The following WDR72 variants were observed in gnomAD, a reference collection of about 807,000 sequenced individuals.
The protein encoded by WDR72 is WD repeat domain 72.
Under a neutral mutation model 124.2 loss-of-function variants are expected in WDR72, and 120 were observed. The observed-to-expected ratio is 0.97, with a 90% CI of 0.83 to 1.12. The LOEUF (loss-of-function observed/expected upper bound fraction) is 1.12, where lower values mean the gene tolerates loss of function less well. WDR72 is among the 50% of genes most tolerant of loss of function. The probability of loss-of-function intolerance (pLI) is 0.00; values close to 1 mark genes in which losing one functional copy is unlikely to be tolerated. For synonymous variants in WDR72, 452 were observed against 441.7 expected, an observed-to-expected ratio of 1.02 and a Z score of -0.29; for missense variants, 1,387 against 1,278.8, an observed-to-expected ratio of 1.08 and a Z score of -1.29.
In WDR72 at chr15:53,699,897, C is replaced by A. The variant is rs931697459; in HGVS notation, c.1618G>T (p.Ala540Ser). 2 of 1,614,136 alleles carry A rather than the reference C, an allele frequency of 1.2e-6. No individual in the cohort carries two copies. Among genetic ancestry groups the A allele is most frequent in the South Asian group, 1.1e-5 (1 of 91,080 alleles). The part of the protein sequence containing the change: ...ICCVCGDHSV[A>S]LLHLEGKSCL... ...CTCTTTCCCTCAAGGTGAAGGAGAG[C>A]CACGGAATGGTCACCGCACACACAG... Residue 540 changes from alanine (A) to serine (S), a missense_variant, in exon 13 of 20, where the codon GCT (alanine) becomes TCT (serine). Ala to Ser is a moderately conservative substitution (Grantham distance 99). Coordinates refer to ENST00000360509, the MANE Select transcript of WDR72 (RefSeq NM_182758.4).
At chr15:53,584,346 G>A (rs2140321835) in intron 18 of WDR72, among the ~76,000 whole-genome samples, 1 of 152,064 alleles carries the variant, frequency 6.6e-6, no homozygotes, top group South Asian at 2.1e-4. Flanking sequence ...TTTGAAATTT[G>A]ATGATCCTAA....
At chr15:53,679,944 C>CAAAAAAAAA (rs3081356) in intron 13 of WDR72, among the ~76,000 whole-genome samples, 1 of 143,236 alleles carries the variant, frequency 7.0e-6, no homozygotes. Context: ...ATATCTGCAG[C>CAAAAAAAAA]AAAAAAAAAA....
intron 18 of WDR72, among the ~76,000 whole-genome samples, chr15:53,574,146 A>G (rs1228370866): frequency 1.3e-5 from 2 of 152,202 alleles, no homozygotes; most frequent in African/African-American, 4.8e-5. Flanking sequence ...GTATTACAAT[A>G]TAATCCTTCC....
chr15:53,634,393 C>T (rs2014547761), intron 14 of WDR72, among the ~76,000 whole-genome samples: 1 of 152,190 alleles, frequency 6.6e-6, no homozygotes, highest in Non-Finnish European at 1.5e-5. Flanking sequence ...CCCTCTAACC[C>T]AGTGGTGTCA....
At chr15:53,582,967 A>T (rs1164137250) in intron 18 of WDR72, among the ~76,000 whole-genome samples, 1 of 152,014 alleles carries the variant, frequency 6.6e-6, no homozygotes, top group Non-Finnish European at 1.5e-5. Flanking sequence ...ATATTCTCCT[A>T]TGGAAAGGCC....
intron 14 of WDR72, among the ~76,000 whole-genome samples, chr15:53,638,786 C>CTGAG (rs2014723773): frequency 6.6e-6 from 1 of 152,026 alleles, no homozygotes; most frequent in African/African-American, 2.4e-5. Flanking sequence ...AGCAGATCAC[C>CTGAG]TGAGGTCAGG....
intron 1 of WDR72, among the ~76,000 whole-genome samples, chr15:53,740,029 T>A (rs34581410): frequency 0.12 from 18,421 of 152,238 alleles, 1,477 homozygotes; most frequent in Middle Eastern, 0.19. Flanking sequence ...AACATTACAC[T>A]AAGGGATAAA....
At chr15:53,536,864 C>G (rs183648752) in intron 18 of WDR72, among the ~76,000 whole-genome samples, 241 of 152,234 alleles carry the variant, frequency 1.6e-3, no homozygotes, top group East Asian at 4.1e-3. Context: ...TTTGCATGAG[C>G]CTTGACATGA....
intron 13 of WDR72, among the ~76,000 whole-genome samples, chr15:53,681,442 A>G (rs2016380992): frequency 6.6e-6 from 1 of 152,192 alleles, no homozygotes; most frequent in African/African-American, 2.4e-5. Flanking sequence ...CTACTGTTGT[A>G]GGTGAAGCCC....
At chr15:53,572,906 T>C (rs929302516) in intron 18 of WDR72, among the ~76,000 whole-genome samples, 3 of 152,206 alleles carry the variant, frequency 2.0e-5, no homozygotes, top group African/African-American at 7.2e-5. Flanking sequence ...ATCACAAATA[T>C]AAGTTTTCCA....
intron 18 of WDR72, among the ~76,000 whole-genome samples, chr15:53,560,384 T>G (rs1308102468): frequency 1.3e-5 from 2 of 151,882 alleles, no homozygotes; most frequent in Non-Finnish European, 2.9e-5. Flanking sequence ...AATACCGCAC[T>G]GGTTAGAAGC....
intron 14 of WDR72, among the ~76,000 whole-genome samples, chr15:53,636,049 C>A (rs1387696592): frequency 1.3e-5 from 2 of 152,028 alleles, no homozygotes; most frequent in Non-Finnish European, 2.9e-5. Flanking sequence ...GCTAATTTTT[C>A]TTTTATTGCT....
intron 16 of WDR72, among the ~76,000 whole-genome samples, 163 bp from the exon 17 acceptor site, chr15:53,609,755 A>G (rs1003498680): frequency 2.0e-5 from 3 of 152,078 alleles, no homozygotes; most frequent in African/African-American, 7.2e-5. Flanking sequence ...ATCCTGTGGT[A>G]GAGGTGGGAC....
intron 18 of WDR72, among the ~76,000 whole-genome samples, chr15:53,539,698 A>G (rs778339044): frequency 6.6e-6 from 1 of 152,034 alleles, no homozygotes; most frequent in Non-Finnish European, 1.5e-5. Flanking sequence ...AGAAAGTGAG[A>G]GAGAAAGAGA....
chr15:53,561,814 A>C (rs538495099), intron 18 of WDR72, among the ~76,000 whole-genome samples: 1 of 151,812 alleles, frequency 6.6e-6, no homozygotes, highest in Non-Finnish European at 1.5e-5. Flanking sequence ...AATTTTTGAC[A>C]GTAGGGCTCA....
intron 17 of WDR72, among the ~76,000 whole-genome samples, chr15:53,598,775 A>T (rs1244598269): frequency 2.6e-5 from 4 of 152,220 alleles, no homozygotes; most frequent in African/African-American, 7.2e-5. Context: ...GGTACTGCCT[A>T]ATCGCAATGC....
chr15:53,757,072 C>T (rs775197860), intron 1 of WDR72, among the ~76,000 whole-genome samples: 23 of 152,132 alleles, frequency 1.5e-4, no homozygotes, highest in Admixed American at 2.0e-4. Flanking sequence ...TGAAGATAAA[C>T]GTGACACATG....
Position 53,633,019 on chromosome 15 carries a change from T to C in WDR72, c.1963-16776A>G, listed in dbSNP as rs141131601. ...AACAAGTTAAGACTTTGGGATACTG[T>C]TGGGAAGGTGTGATTCTATTTTACA... On this transcript the variant is annotated intron_variant, in intron 14 of 19. Coordinates refer to ENST00000360509, the MANE Select transcript of WDR72 (RefSeq NM_182758.4). Among the ~76,000 whole-genome samples, 379 of 152,298 alleles carry C rather than the reference T, an allele frequency of 2.5e-3. 6 individuals are homozygous for C. The highest frequency in any genetic ancestry group is 8.7e-3 in the African/African-American group (362 of 41,558).
intron 18 of WDR72, among the ~76,000 whole-genome samples, chr15:53,585,537 C>T (rs566235410): frequency 6.6e-6 from 1 of 152,056 alleles, no homozygotes. Context: ...TCCTGTGATG[C>T]CCCCATGCAT....
Sources: allele counts gnomAD v4.1 joint callset (sites outside exome capture counted in the v4.1 genomes callset), GRCh38; gene constraint gnomAD v4.1.1; transcripts MANE v1.5; gene names NCBI Gene and HGNC (gene_info 2026-07-23, HGNC 2026-07-21).